GABBR2: variants seen among roughly 807,000 people sequenced by gnomAD.
The protein encoded by GABBR2 is gamma-aminobutyric acid type B receptor subunit 2.
In GABBR2, 23 loss-of-function variants were observed where a neutral mutation model predicts 105.6. That is an observed-to-expected ratio of 0.22 (90% CI 0.16 to 0.31). The LOEUF is 0.31. Ranked by LOEUF, GABBR2 falls within the 10% of genes least tolerant of loss-of-function variation. The pLI, the probability that GABBR2 is intolerant of heterozygous loss-of-function variation, is 1.00. For synonymous variants in GABBR2, 478 were observed against 499.7 expected (o/e 0.96, Z 0.58); for missense variants, 734 against 1,245.5 (o/e 0.59, Z 6.18).
intron 7 of GABBR2, among the ~76,000 whole-genome samples, chr9:98,427,553 C>T (rs1825719766): frequency 6.6e-6 from 1 of 152,224 alleles, no homozygotes. Context: ...ACTCTTGCCT[C>T]CTGGCGGTCA....
intron 7 of GABBR2, among the ~76,000 whole-genome samples, chr9:98,415,467 CAA>C (rs754150151): frequency 2.6e-5 from 4 of 152,094 alleles, no homozygotes; most frequent in Admixed American, 6.6e-5. Context: ...AGTCGAATAA[CAA>C]AGAGAGCAAT....
intron 8 of GABBR2, among the ~76,000 whole-genome samples, chr9:98,399,028 T>A (rs1832342607): frequency 6.6e-6 from 1 of 152,072 alleles, no homozygotes; most frequent in Admixed American, 6.5e-5. Flanking sequence ...GCACTTTTTC[T>A]CTTCTTCTTG....
chr9:98,574,101 G>A (rs1828877872), intron 2 of GABBR2, among the ~76,000 whole-genome samples: 1 of 152,236 alleles, frequency 6.6e-6, no homozygotes, highest in Non-Finnish European at 1.5e-5. Context: ...CAGGAGTTCT[G>A]CAAAACAGGG....
chr9:98,507,245 T>A (rs1449717306), intron 3 of GABBR2, among the ~76,000 whole-genome samples: 3 of 152,072 alleles, frequency 2.0e-5, no homozygotes, highest in Non-Finnish European at 4.4e-5. Context: ...GCAGACAGGA[T>A]GAAGTTAAGG....
At chr9:98,566,567 C>T (rs774208451) in intron 2 of GABBR2, among the ~76,000 whole-genome samples, 14 of 151,662 alleles carry the variant, frequency 9.2e-5, no homozygotes, top group South Asian at 4.2e-4. Flanking sequence ...TGCAGCTACT[C>T]GGGAGGCCGA....
intron 1 of GABBR2, among the ~76,000 whole-genome samples, chr9:98,674,350 C>T (rs184557273): frequency 3.9e-5 from 6 of 152,152 alleles, no homozygotes; most frequent in Non-Finnish European, 8.8e-5. Context: ...ATCACGAAAG[C>T]CAGGAATGCC....
chr9:98,424,205 T>A (rs1397725307), intron 7 of GABBR2, among the ~76,000 whole-genome samples: 1 of 152,174 alleles, frequency 6.6e-6, no homozygotes, highest in Non-Finnish European at 1.5e-5. Flanking sequence ...TAATCCAGCA[T>A]ATAAACAGAA....
chr9:98,442,886 T>C (rs1415113041), intron 7 of GABBR2, among the ~76,000 whole-genome samples: 2 of 152,186 alleles, frequency 1.3e-5, no homozygotes, highest in Admixed American at 1.3e-4. Context: ...TCTTCAAATC[T>C]CCCCTTTTTA....
intron 7 of GABBR2, among the ~76,000 whole-genome samples, chr9:98,433,532 G>GT (rs992496352): frequency 2.6e-5 from 4 of 152,110 alleles, no homozygotes; most frequent in Non-Finnish European, 5.9e-5. Context: ...TATCCTATAT[G>GT]TTTTTTTCTA....
chr9:98,422,468 T>C (rs926380149), intron 7 of GABBR2, among the ~76,000 whole-genome samples: 18 of 151,776 alleles, frequency 1.2e-4, no homozygotes, highest in Non-Finnish European at 2.2e-4. Context: ...TTCTCATAAG[T>C]GGACATTTAG....
chr9:98,585,485 C>A (rs1253876666), intron 1 of GABBR2, among the ~76,000 whole-genome samples: 1 of 121,388 alleles, frequency 8.2e-6, no homozygotes, highest in Non-Finnish European at 1.6e-5. Flanking sequence ...ACACCGGGGA[C>A]TGGCGTAGGG....
chr9:98,424,029 T>C (rs538793559), intron 7 of GABBR2, among the ~76,000 whole-genome samples: 1 of 152,338 alleles, frequency 6.6e-6, no homozygotes, highest in East Asian at 1.9e-4. Flanking sequence ...TGTAGCCTTG[T>C]AGTATAGTTT....
chr9:98,363,018 T>C (rs1179283421), intron 12 of GABBR2, among the ~76,000 whole-genome samples, 181 bp from the exon 13 acceptor site: 3 of 152,248 alleles, frequency 2.0e-5, no homozygotes, highest in East Asian at 3.9e-4. Context: ...ATTCAAGGCC[T>C]TTCACAAGCT....
intron 7 of GABBR2, among the ~76,000 whole-genome samples, chr9:98,443,734 A>T (rs1167134027): frequency 6.6e-6 from 1 of 152,224 alleles, no homozygotes; most frequent in Non-Finnish European, 1.5e-5. Flanking sequence ...AGAGAATTAC[A>T]GGCCCCACTG....
chr9:98,554,633 A>C (rs1828554878), intron 2 of GABBR2, among the ~76,000 whole-genome samples: 1 of 152,172 alleles, frequency 6.6e-6, no homozygotes, highest in South Asian at 2.1e-4. Flanking sequence ...CCTATCACCC[A>C]GTTTAAGAGA....
At chr9:98,651,953 T>C (rs1830114219) in intron 1 of GABBR2, among the ~76,000 whole-genome samples, 1 of 152,158 alleles carries the variant, frequency 6.6e-6, no homozygotes, top group Admixed American at 6.5e-5. Flanking sequence ...CAAAATCATA[T>C]AACATGTGAG....
intron 11 of GABBR2, 29 bp downstream of exon 11, chr9:98,385,611 A>G: frequency 1.9e-6 from 3 of 1,601,942 alleles, no homozygotes; most frequent in South Asian, 2.2e-5. Flanking sequence ...TTTCTATCAT[A>G]TACCACTGGC....
At chr9:98,518,401 T>G (rs1400183997) in intron 3 of GABBR2, among the ~76,000 whole-genome samples, 1 of 152,232 alleles carries the variant, frequency 6.6e-6, no homozygotes, top group African/African-American at 2.4e-5. Context: ...AGATACACTT[T>G]GTAATTCATT....
chr9:98,581,975 T>C (rs1195246655), intron 1 of GABBR2, among the ~76,000 whole-genome samples: 6 of 152,230 alleles, frequency 3.9e-5, no homozygotes, highest in African/African-American at 9.6e-5. Flanking sequence ...CTGAGACTAT[T>C]TGACAACCAG....
Sources: gnomAD v4.1 joint callset for allele counts (sites outside exome capture counted in the v4.1 genomes callset) on GRCh38, gnomAD v4.1.1 for gene constraint, MANE v1.5 for transcripts, NCBI Gene and HGNC (gene_info 2026-07-23, HGNC 2026-07-21) for gene names.